GMDS: variants seen among roughly 807,000 people sequenced by gnomAD.
GMDS encodes the protein GDP-mannose 4,6-dehydratase.
In GMDS, 20 loss-of-function variants were observed where a neutral mutation model predicts 49.9. The observed-to-expected ratio is 0.40, with a 90% confidence interval of 0.28 to 0.58. The LOEUF is 0.58. GMDS is among the 20% of genes least tolerant of loss of function. The probability of loss-of-function intolerance (pLI) is 0.42; values close to 1 mark genes in which losing one functional copy is unlikely to be tolerated. For synonymous variants in GMDS, 177 were observed against 178.6 expected, an observed-to-expected ratio of 0.99 and a Z score of 0.07; for missense variants, 362 against 481.4, an observed-to-expected ratio of 0.75 and a Z score of 2.32.
At chr6:2,170,401 G>A (rs1398360343) in intron 1 of GMDS, among the ~76,000 whole-genome samples, 1 of 152,070 alleles carries the variant, frequency 6.6e-6, no homozygotes, top group Non-Finnish European at 1.5e-5. Flanking sequence ...CAAGACAGGA[G>A]GATATCTTGA....
chr6:1,749,834 T>C (rs977110616), intron 7 of GMDS, among the ~76,000 whole-genome samples: 1 of 152,126 alleles, frequency 6.6e-6, no homozygotes, highest in South Asian at 2.1e-4. Context: ...TCTCAAATAC[T>C]TTTTCATTTT....
intron 4 of GMDS, among the ~76,000 whole-genome samples, chr6:1,967,123 A>G (rs1764306413): frequency 6.6e-6 from 1 of 151,996 alleles, no homozygotes; most frequent in Non-Finnish European, 1.5e-5. Flanking sequence ...GCCCCTCACC[A>G]CTGCCCTGCC....
At chr6:2,142,374 C>G (rs1377295925) in intron 1 of GMDS, among the ~76,000 whole-genome samples, 1 of 151,880 alleles carries the variant, frequency 6.6e-6, no homozygotes, top group Non-Finnish European at 1.5e-5. Flanking sequence ...TTAGGTCATA[C>G]TAAAGTAGGT....
chr6:1,678,668 A>T (rs539366460), intron 9 of GMDS, among the ~76,000 whole-genome samples: 13 of 152,278 alleles, frequency 8.5e-5, no homozygotes, highest in African/African-American at 3.1e-4. Context: ...ACCAGACAGG[A>T]TGCCGGGAAG....
intron 8 of GMDS, among the ~76,000 whole-genome samples, chr6:1,730,302 AAG>A (rs1766741214): frequency 6.6e-6 from 1 of 152,234 alleles, no homozygotes; most frequent in Non-Finnish European, 1.5e-5. Context: ...GAGGGCAGGA[AAG>A]AGATGTGAGA....
chr6:1,850,032 A>C (rs17134367), intron 7 of GMDS, among the ~76,000 whole-genome samples: 4,285 of 152,312 alleles, frequency 0.028, 199 homozygotes, highest in African/African-American at 0.097. Context: ...ATAAATGATC[A>C]TCATGTGTTC....
intron 7 of GMDS, among the ~76,000 whole-genome samples, chr6:1,844,637 G>GA (rs143672128): frequency 1.7e-4 from 25 of 150,782 alleles, no homozygotes; most frequent in Admixed American, 4.0e-4. Flanking sequence ...CTGGATCTGA[G>GA]AAAAAAAAAC....
rs116257390 is a variant in GMDS, at chr6:1,868,302, C to A, written c.771+61801G>T. Among the ~76,000 whole-genome samples, 987 of 152,254 alleles carry A rather than the reference C, an allele frequency of 6.5e-3. 9 individuals carry two copies. Among genetic ancestry groups the A allele is most frequent in the African/African-American group, 0.023 (948 of 41,540 alleles). The stretch of plus-strand genomic sequence containing the variant: ...ACCCGGCCCTCAACAGCTGTTCTGT[C>A]ATCATGTTTACCCACTATGTTTCTT... On this transcript the variant is annotated intron_variant, in intron 7 of 10. Coordinates refer to ENST00000380815, the MANE Select transcript of GMDS (RefSeq NM_001500.4).
chr6:1,946,473 G>C (rs1763078745), intron 6 of GMDS, among the ~76,000 whole-genome samples: 1 of 150,650 alleles, frequency 6.6e-6, no homozygotes, highest in Non-Finnish European at 1.5e-5. Context: ...TCTGGCACAT[G>C]GTCAGAACTA....
chr6:1,963,776 A>T (rs1455301248), intron 4 of GMDS, among the ~76,000 whole-genome samples: 1 of 152,218 alleles, frequency 6.6e-6, no homozygotes, highest in Non-Finnish European at 1.5e-5. Context: ...GGTAGTGGCC[A>T]CTGAGCAGAT....
At chr6:1,983,123 T>C (rs573330175) in intron 4 of GMDS, among the ~76,000 whole-genome samples, 10 of 152,192 alleles carry the variant, frequency 6.6e-5, no homozygotes, top group African/African-American at 2.2e-4. Flanking sequence ...AAACAAGCAA[T>C]GGGGAAAGGA....
At chr6:1,800,157 A>C (rs1224104527) in intron 7 of GMDS, among the ~76,000 whole-genome samples, 2 of 152,050 alleles carry the variant, frequency 1.3e-5, no homozygotes, top group Non-Finnish European at 2.9e-5. Context: ...CTTCTCGACA[A>C]GGTCTCCTGA....
intron 7 of GMDS, among the ~76,000 whole-genome samples, chr6:1,846,377 G>A (rs975142050): frequency 6.6e-6 from 1 of 152,144 alleles, no homozygotes; most frequent in Non-Finnish European, 1.5e-5. Flanking sequence ...ACAGGTGTGA[G>A]CCACTGTGTC....
chr6:2,065,062 G>A (rs1218695010), intron 4 of GMDS, among the ~76,000 whole-genome samples: 3 of 152,100 alleles, frequency 2.0e-5, no homozygotes, highest in Non-Finnish European at 2.9e-5. Flanking sequence ...CTCCCAGCAT[G>A]CAGCTGGAGA....
intron 9 of GMDS, among the ~76,000 whole-genome samples, chr6:1,631,637 T>G (rs1763005134): frequency 6.6e-6 from 1 of 152,008 alleles, no homozygotes; most frequent in African/African-American, 2.4e-5. Flanking sequence ...TCAATAATCC[T>G]TCCTTCCTCC....
At chr6:2,045,182 A>T (rs1769925622) in intron 4 of GMDS, among the ~76,000 whole-genome samples, 1 of 151,904 alleles carries the variant, frequency 6.6e-6, no homozygotes, top group African/African-American at 2.4e-5. Context: ...ATCTTTTATC[A>T]TGTTAAAAAG....
At chr6:1,653,202 G>A (rs1362911854) in intron 9 of GMDS, among the ~76,000 whole-genome samples, 4 of 152,078 alleles carry the variant, frequency 2.6e-5, no homozygotes, top group Admixed American at 6.6e-5. Flanking sequence ...ACTGTACACT[G>A]CCGTAGGAAA....
intron 9 of GMDS, among the ~76,000 whole-genome samples, chr6:1,627,913 A>T (rs1206900496): frequency 2.0e-5 from 3 of 152,366 alleles, no homozygotes; most frequent in African/African-American, 7.2e-5. Flanking sequence ...CGGTTTCAAT[A>T]TGTAATTTAT....
At chr6:2,016,443 A>G (rs1767906915) in intron 4 of GMDS, among the ~76,000 whole-genome samples, 2 of 152,194 alleles carry the variant, frequency 1.3e-5, no homozygotes, top group African/African-American at 4.8e-5. Flanking sequence ...ATAGAGCTAC[A>G]AGATATATGA....
Sources: allele counts gnomAD v4.1 joint callset (sites outside exome capture counted in the v4.1 genomes callset), GRCh38; gene constraint gnomAD v4.1.1; transcripts MANE v1.5; gene names NCBI Gene and HGNC (gene_info 2026-07-23, HGNC 2026-07-21).